Variants in SAMMSON observed in about 807,000 individuals in gnomAD.
SAMMSON encodes long intergenic non-protein coding RNA 1212.
intron 6 of SAMMSON, among the ~76,000 whole-genome samples, chr3:70,250,627 A>C (rs1209794391): frequency 6.6e-6 from 1 of 152,190 alleles, no homozygotes; most frequent in African/African-American, 2.4e-5. Context: ...GAATGTGTGT[A>C]ATTTCAAATT....
intron 4 of SAMMSON, among the ~76,000 whole-genome samples, chr3:70,241,613 C>A (rs568470421): frequency 6.6e-6 from 1 of 152,116 alleles, no homozygotes; most frequent in Non-Finnish European, 1.5e-5. Flanking sequence ...TTTAATGATA[C>A]TAAGTACCTG....
At chr3:70,105,774 A>G (rs868450743) in intron 4 of SAMMSON, among the ~76,000 whole-genome samples, 12 of 152,298 alleles carry the variant, frequency 7.9e-5, no homozygotes, top group Middle Eastern at 3.4e-3. Context: ...GGGAGACTAT[A>G]TTTCTCCTCT....
At chr3:70,205,180 G>A (rs1443240781) in intron 4 of SAMMSON, 1 of 152,002 alleles carries the variant, frequency 6.6e-6, no homozygotes, top group Non-Finnish European at 1.5e-5. Context: ...AACACTCCTG[G>A]TCTCTGGATT....
chr3:70,253,035 A>C (rs73119961), intron 6 of SAMMSON, among the ~76,000 whole-genome samples: 9,696 of 152,196 alleles, frequency 0.064, 375 homozygotes, highest in South Asian at 0.12. Context: ...AGCTGAGATC[A>C]CACCATTGTA....
rs75081999 is a variant in SAMMSON, at chr3:70,010,831, A to T, written n.23-1526A>T. On this transcript the variant is annotated intron_variant and non_coding_transcript_variant, in intron 1 of 9. Transcript: ENST00000642114. ...AAGGAGCAGCAGGCACCTTCTTCAC[A>T]GGGCTTTAGGACGGAGTGAGTGCAA... Among the ~76,000 whole-genome samples the T allele has an allele frequency of 2.5e-3, 379 of 152,254 alleles. 6 individuals are homozygous for T. The highest frequency in any genetic ancestry group is 8.4e-3 in the African/African-American group (348 of 41,540).
At position 70,126,641 on chromosome 3, in the gene SAMMSON, T is replaced by C. The variant is rs2067460120; in HGVS notation, n.507+55076T>C. The C allele has an allele frequency of 1.2e-5, 4 of 341,482 alleles. No individual in the cohort carries two copies. In the Admixed American group the frequency reaches 1.7e-4, roughly 15 times the overall value. The allele number at this position is 341,482 out of a possible 1,614,324, so 21.2% of individuals were successfully genotyped here. A position where few individuals can be genotyped will look rare whatever the true frequency, so the allele number is the denominator to read the frequency against. On this transcript the variant is annotated intron_variant and non_coding_transcript_variant, in intron 4 of 9. Coordinates refer to ENST00000642114, the Ensembl canonical transcript of SAMMSON. ...AAGCAAAAATTGGCCCAGAGACATG[T>C]GGGACTCACTGTCAAGATTAATTGT...
chr3:70,017,131 T>C (rs1326039054), intron 3 of SAMMSON, among the ~76,000 whole-genome samples: 2 of 152,160 alleles, frequency 1.3e-5, no homozygotes, highest in African/African-American at 2.4e-5. Flanking sequence ...AAGAAAGTCA[T>C]CGGTAGCTTG....
At chr3:70,214,197 A>G (rs1701382291) in intron 4 of SAMMSON, among the ~76,000 whole-genome samples, 1 of 152,114 alleles carries the variant, frequency 6.6e-6, no homozygotes, top group African/African-American at 2.4e-5. Context: ...AGGATAAATA[A>G]GATACATATA....
chr3:70,271,290 C>A (rs1261510141), intron 6 of SAMMSON, among the ~76,000 whole-genome samples: 1 of 151,950 alleles, frequency 6.6e-6, no homozygotes, highest in African/African-American at 2.4e-5. Context: ...ATGAAAAGGA[C>A]CTGGTAGGAA....
intron 4 of SAMMSON, among the ~76,000 whole-genome samples, chr3:70,077,895 C>A (rs974129332): frequency 5.3e-5 from 8 of 152,182 alleles, no homozygotes; most frequent in Non-Finnish European, 1.2e-4. Context: ...GCATTCACTC[C>A]TTAGCAACTG....
chr3:70,228,670 T>C (rs1378027071), intron 4 of SAMMSON, among the ~76,000 whole-genome samples: 8 of 151,776 alleles, frequency 5.3e-5, no homozygotes, highest in Non-Finnish European at 5.9e-5. Flanking sequence ...ATGTTAAAAA[T>C]TGAAAACAAA....
chr3:70,096,275 G>A (rs746011509), intron 4 of SAMMSON, among the ~76,000 whole-genome samples: 3 of 152,114 alleles, frequency 2.0e-5, no homozygotes, highest in Non-Finnish European at 2.9e-5. Context: ...CTGGTGCAGT[G>A]GCTCATGCCA....
chr3:70,000,123 C>G (rs768607892), intron 1 of SAMMSON, among the ~76,000 whole-genome samples: 1 of 152,178 alleles, frequency 6.6e-6, no homozygotes, highest in Non-Finnish European at 1.5e-5. Context: ...TGCCTATAGA[C>G]GGCAAACTAA....
chr3:70,136,025 T>C (rs2067504544), intron 4 of SAMMSON, among the ~76,000 whole-genome samples: 1 of 152,172 alleles, frequency 6.6e-6, no homozygotes, highest in African/African-American at 2.4e-5. Flanking sequence ...TAAAGGTTTT[T>C]CCCTGCAATA....
At chr3:70,271,098 CTG>C (rs1424058509) in intron 6 of SAMMSON, among the ~76,000 whole-genome samples, 2 of 151,910 alleles carry the variant, frequency 1.3e-5, no homozygotes, top group African/African-American at 4.8e-5. Context: ...TTTATCGAAG[CTG>C]GGAAGTTGTA....
At chr3:70,071,045 T>C (rs1307925455) in intron 3 of SAMMSON, among the ~76,000 whole-genome samples, 1 of 152,012 alleles carries the variant, frequency 6.6e-6, no homozygotes, top group African/African-American at 2.4e-5. Flanking sequence ...TTTGGAGAAA[T>C]TTTTAAATCT....
chr3:70,408,551 A>G lies in SAMMSON; in HGVS notation n.233+50227A>G, dbSNP rs1032264236. On this transcript the variant is annotated intron_variant and non_coding_transcript_variant, in intron 2 of 3. Transcript: ENST00000641053. ...AAATGCTGCCAGTCTCTGCTAAAACATAACAAGAGTCACCTTTTCTCCAGT... is the reference window on the plus strand; with the variant it reads ...AAATGCTGCCAGTCTCTGCTAAAACGTAACAAGAGTCACCTTTTCTCCAGT... Among the ~76,000 whole-genome samples, 8 of 152,188 alleles carry G rather than the reference A, an allele frequency of 5.3e-5. 1 individual carries two copies. The highest frequency in any genetic ancestry group is 8.8e-5 in the Non-Finnish European group (6 of 68,038).
intron 3 of SAMMSON, among the ~76,000 whole-genome samples, chr3:70,039,448 A>G (rs568612375): frequency 6.6e-6 from 1 of 152,176 alleles, no homozygotes; most frequent in South Asian, 2.1e-4. Flanking sequence ...TCCAAGCAAG[A>G]GGGAATTCTC....
intron 3 of SAMMSON, among the ~76,000 whole-genome samples, chr3:70,035,502 C>T (rs1407129803): frequency 6.6e-6 from 1 of 152,064 alleles, no homozygotes; most frequent in African/African-American, 2.4e-5. Flanking sequence ...GCTAGGAATC[C>T]AGGGTGGCCA....
Sources: gnomAD v4.1 joint callset for allele counts (sites outside exome capture counted in the v4.1 genomes callset) on GRCh38, gnomAD v4.1.1 for gene constraint, MANE v1.5 for transcripts, NCBI Gene and HGNC (gene_info 2026-07-23, HGNC 2026-07-21) for gene names.